VAV2: variants seen among roughly 807,000 people sequenced by gnomAD.
VAV2 encodes the protein guanine nucleotide exchange factor VAV2.
In VAV2, 67 loss-of-function variants were observed where a neutral mutation model predicts 132.5. That is an observed-to-expected ratio of 0.51 (90% confidence interval 0.42 to 0.62). The LOEUF (loss-of-function observed/expected upper bound fraction) is 0.62, where lower values mean the gene tolerates loss of function less well. Ranked by LOEUF, VAV2 falls within the 20% of genes least tolerant of loss-of-function variation. The pLI, the probability that VAV2 is intolerant of heterozygous loss-of-function variation, is 0.00. For synonymous variants in VAV2, 492 were observed against 443.5 expected (o/e 1.11, Z -1.37); for missense variants, 938 against 1,153.6 (o/e 0.81, Z 2.71).
intron 2 of VAV2, among the ~76,000 whole-genome samples, chr9:133,867,087 G>C (rs375628382): frequency 6.6e-6 from 1 of 152,134 alleles, no homozygotes; most frequent in East Asian, 1.9e-4. Flanking sequence ...GCCCCTGCAG[G>C]GGACACAACA....
At chr9:133,847,177 G>A (rs1266406420) in intron 3 of VAV2, among the ~76,000 whole-genome samples, 2 of 152,164 alleles carry the variant, frequency 1.3e-5, no homozygotes, top group African/African-American at 4.8e-5. Flanking sequence ...AACCCTCCCT[G>A]CTCCCAAAAT....
intron 3 of VAV2, among the ~76,000 whole-genome samples, chr9:133,839,612 G>C (rs1331298811): frequency 2.0e-5 from 3 of 152,012 alleles, no homozygotes; most frequent in Non-Finnish European, 4.4e-5. Flanking sequence ...CCGACGTCCA[G>C]CTAATTTTTT....
chr9:133,946,977 G>A (rs1296061443), intron 1 of VAV2, among the ~76,000 whole-genome samples: 1 of 152,184 alleles, frequency 6.6e-6, no homozygotes, highest in Non-Finnish European at 1.5e-5. Flanking sequence ...TCAGTATCTG[G>A]TAGACGAACA....
At chr9:133,868,299 C>A (rs564059465) in intron 2 of VAV2, among the ~76,000 whole-genome samples, 1 of 152,316 alleles carries the variant, frequency 6.6e-6, no homozygotes, top group East Asian at 1.9e-4. Context: ...TGAGGTGGGG[C>A]GCGGTGGGGA....
chr9:133,908,575 G>A (rs975767490), intron 2 of VAV2, among the ~76,000 whole-genome samples: 13 of 148,790 alleles, frequency 8.7e-5, no homozygotes, highest in African/African-American at 2.8e-4. Context: ...AGCACCACCT[G>A]GTACACAAAG....
chr9:133,982,637 G>C lies in VAV2; in HGVS notation c.204+9438C>G, dbSNP rs371689771. Among the ~76,000 whole-genome samples the C allele has an allele frequency of 5.6e-4, 85 of 152,296 alleles. 1 individual carries two copies. The South Asian group carries it at 0.017, about 30-fold the overall frequency. On this transcript the variant is annotated intron_variant, in intron 1 of 29. Coordinates refer to ENST00000371850, the MANE Select transcript of VAV2 (RefSeq NM_001134398.2). ...TTTGGAGGGCTGGCCGCTGTGCTTTGCAGGGCCCACCACCTGGTTTTGCAG... is the reference window on the plus strand; with the variant it reads ...TTTGGAGGGCTGGCCGCTGTGCTTTCCAGGGCCCACCACCTGGTTTTGCAG...
chr9:133,836,256 G>A (rs1320056867), intron 3 of VAV2, among the ~76,000 whole-genome samples: 3 of 152,160 alleles, frequency 2.0e-5, no homozygotes, highest in East Asian at 1.9e-4. Context: ...CACGTGGGGG[G>A]CCAGGAGCCA....
intron 2 of VAV2, among the ~76,000 whole-genome samples, chr9:133,924,704 G>A (rs1840413113): frequency 6.6e-6 from 1 of 152,190 alleles, no homozygotes; most frequent in Non-Finnish European, 1.5e-5. Flanking sequence ...TCAGCTCCTG[G>A]GATCCTCATG....
intron 3 of VAV2, among the ~76,000 whole-genome samples, chr9:133,852,363 G>A (rs1837222434): frequency 6.9e-6 from 1 of 145,734 alleles, no homozygotes; most frequent in South Asian, 2.3e-4. Context: ...TGAGTAGACA[G>A]AAGAATAAAA....
chr9:133,821,817 C>T (rs1280447999), intron 4 of VAV2, among the ~76,000 whole-genome samples: 1 of 152,204 alleles, frequency 6.6e-6, no homozygotes, highest in African/African-American at 2.4e-5. Context: ...CGTGAATGGG[C>T]CTCCACGGCC....
At chr9:133,864,029 G>A (rs1046487520) in intron 2 of VAV2, among the ~76,000 whole-genome samples, 2 of 152,248 alleles carry the variant, frequency 1.3e-5, no homozygotes, top group South Asian at 2.1e-4. Context: ...CCAGGGGCCC[G>A]GCTCTCAGGC....
intron 2 of VAV2, among the ~76,000 whole-genome samples, chr9:133,916,953 T>C (rs1306570815): frequency 6.6e-6 from 1 of 152,158 alleles, no homozygotes; most frequent in Non-Finnish European, 1.5e-5. Flanking sequence ...GAGGATTAAA[T>C]GAGACACATA....
intron 2 of VAV2, chr9:133,925,771 A>G (rs7027703): frequency 0.043 from 6,616 of 152,216 alleles, 157 homozygotes; most frequent in Middle Eastern, 0.088. Context: ...CTACCTTCAA[A>G]AAACCAGTAC....
In VAV2 at chr9:133,787,276, A is replaced by G; in HGVS notation, c.1408-16T>C. ...TCCCGTGAGACTAGGAAGCATGGAG[A>G]GGAGAGGAAGGGGAAGACGGTCAGT... On this transcript the variant is annotated splice_polypyrimidine_tract_variant and intron_variant, in intron 15 of 29. Transcript: ENST00000371850. The G allele has an allele frequency of 6.3e-7, 1 of 1,580,164 alleles. No individual in the cohort carries two copies. The highest frequency in any genetic ancestry group is 1.2e-5 in the South Asian group (1 of 86,194).
At chr9:133,941,705 C>T (rs1369199159) in intron 1 of VAV2, among the ~76,000 whole-genome samples, 1 of 151,362 alleles carries the variant, frequency 6.6e-6, no homozygotes, top group African/African-American at 2.4e-5. Context: ...CAGGTTCAAG[C>T]GAATTCTCCT....
intron 1 of VAV2, among the ~76,000 whole-genome samples, chr9:133,964,046 T>TATATATATATATATAC (rs1329697826): frequency 6.8e-5 from 6 of 87,880 alleles, no homozygotes; most frequent in African/African-American, 1.9e-4. Context: ...TATATATATA[T>TATATATATATATATAC]ATACATATAT....
At position 133,772,734 on chromosome 9, in the gene VAV2, TAC is replaced by T. The variant is rs533837983; in HGVS notation, c.2136-690_2136-689del. On this transcript the variant is annotated intron_variant, in intron 25 of 29. Coordinates refer to ENST00000371850, the MANE Select transcript of VAV2 (RefSeq NM_001134398.2). ...GCTGGCAGACCAAATCTCTCTCCCA[TAC>T]AGTCAGGCGGCGTTTAACCAGGGAG... is the stretch of plus-strand genomic sequence containing the variant. Among the ~76,000 whole-genome samples, 167 of 152,180 alleles carry T rather than the reference TAC, an allele frequency of 1.1e-3. 1 individual carries two copies. In the Middle Eastern group the frequency reaches 0.02, roughly 19 times the overall value.
intron 2 of VAV2, among the ~76,000 whole-genome samples, chr9:133,937,968 C>G (rs558362120): frequency 3.2e-4 from 49 of 152,368 alleles, no homozygotes; most frequent in African/African-American, 1.1e-3. Context: ...AAGCGCCAAG[C>G]CTGGTGGCTC....
At chr9:133,934,240 GA>G in intron 2 of VAV2, among the ~76,000 whole-genome samples, 1 of 152,246 alleles carries the variant, frequency 6.6e-6, no homozygotes, top group Non-Finnish European at 1.5e-5. Flanking sequence ...CAGCTGTTTA[GA>G]AAATGAATGA....
Sources: allele counts gnomAD v4.1 joint callset (sites outside exome capture counted in the v4.1 genomes callset), GRCh38; gene constraint gnomAD v4.1.1; transcripts MANE v1.5; gene names NCBI Gene and HGNC (gene_info 2026-07-23, HGNC 2026-07-21).